The following ADARB1 variants were observed in gnomAD, a reference collection of about 807,000 sequenced individuals.
The protein encoded by ADARB1 is adenosine deaminase RNA specific B1, also known as double-stranded RNA-specific editase 1.
A neutral mutation model predicts 52.4 loss-of-function variants in ADARB1; 10 were observed. That is an observed-to-expected ratio of 0.19 (90% CI 0.12 to 0.32). ADARB1 has a LOEUF of 0.32. Among genes scored for constraint, ADARB1 ranks in the 10% least tolerant of loss-of-function variants. The pLI is 1.00. For synonymous variants in ADARB1, 349 were observed against 371.1 expected (o/e 0.94, Z 0.68); for missense variants, 643 against 922.3 (o/e 0.70, Z 3.92).
intron 2 of ADARB1, among the ~76,000 whole-genome samples, chr21:45,161,426 C>G (rs983802219): frequency 6.6e-6 from 1 of 152,212 alleles, no homozygotes. Flanking sequence ...AAGTTGTGGC[C>G]GAGCTGGGAC....
rs2146480645 is a variant in ADARB1, at chr21:45,223,717, A to G, written c.*1520A>G. ...ACCAGAGCAGGGGCAGAGGGGCGTCATCCTCCCACCGGACGCTGGGAGCTC... is the reference window on the plus strand; with the variant it reads ...ACCAGAGCAGGGGCAGAGGGGCGTCGTCCTCCCACCGGACGCTGGGAGCTC... On this transcript the variant is annotated 3_prime_UTR_variant, in exon 11 of 11. Coordinates refer to ENST00000348831, the MANE Select transcript of ADARB1 (RefSeq NM_001112.4). The G allele has an allele frequency of 2.0e-6, 2 of 985,486 alleles. No individual in the cohort carries two copies. Among genetic ancestry groups the G allele is most frequent in the Non-Finnish European group, 2.4e-6 (2 of 829,998 alleles). 61.0% of individuals were successfully genotyped at this position (985,486 alleles called of 1,614,324 possible).
chr21:45,146,729 G>A (rs970741531), intron 2 of ADARB1, among the ~76,000 whole-genome samples: 9 of 152,166 alleles, frequency 5.9e-5, no homozygotes, highest in African/African-American at 2.2e-4. Context: ...TGTTTTTATC[G>A]AACTTCTATA....
chr21:45,225,862 G>C lies in ADARB1; in HGVS notation c.*3665G>C. The C allele has an allele frequency of 3.1e-6, 1 of 319,388 alleles. No individual in the cohort carries two copies. The highest frequency in any genetic ancestry group is 5.7e-6 in the Non-Finnish European group (1 of 175,654). 19.8% of individuals were successfully genotyped at this position (319,388 alleles called of 1,614,324 possible). ...GTTCCGTGTGTGTCCAGTTTACAGC[G>C]TCTCTGCCCCCTAGCGTGTTTTGTG... On this transcript the variant is annotated 3_prime_UTR_variant, in exon 11 of 11. Transcript: ENST00000348831.
intron 8 of ADARB1, among the ~76,000 whole-genome samples, chr21:45,187,451 C>A (rs2092146858): frequency 6.6e-6 from 1 of 152,140 alleles, no homozygotes; most frequent in Non-Finnish European, 1.5e-5. Flanking sequence ...ATGTCATCTG[C>A]AAACAGATAT....
chr21:45,146,895 T>A (rs1342241749), intron 2 of ADARB1, among the ~76,000 whole-genome samples: 1 of 152,216 alleles, frequency 6.6e-6, no homozygotes, highest in African/African-American at 2.4e-5. Flanking sequence ...TGGGTAAAAA[T>A]TCTGGCTTCT....
chr21:45,211,357 G>A (rs1378662070), intron 9 of ADARB1, among the ~76,000 whole-genome samples: 4 of 152,192 alleles, frequency 2.6e-5, no homozygotes, highest in Non-Finnish European at 4.4e-5. Context: ...TGGGGGTGCT[G>A]TGCACAGTTT....
At chr21:45,144,756 T>C (rs2089923465) in intron 2 of ADARB1, 1 of 389,362 alleles carries the variant, frequency 2.6e-6, no homozygotes, top group Non-Finnish European at 5.2e-6. Context: ...AGAGAGCCAG[T>C]GCCCCACCAG....
intron 5 of ADARB1, among the ~76,000 whole-genome samples, chr21:45,181,084 C>T (rs1361448238): frequency 1.3e-5 from 2 of 152,224 alleles, no homozygotes; most frequent in African/African-American, 2.4e-5. Context: ...GAGAGGACCC[C>T]TGTCATGTGG....
chr21:45,092,365 C>T (rs950678896), intron 1 of ADARB1, among the ~76,000 whole-genome samples: 12 of 152,318 alleles, frequency 7.9e-5, no homozygotes, highest in African/African-American at 2.9e-4. Context: ...CTCATTCTCT[C>T]TACTGCATTA....
In ADARB1 at chr21:45,224,692, GC is replaced by G; in HGVS notation, c.*2496del. 1 of 978,484 alleles carries G rather than the reference GC, an allele frequency of 1.0e-6. No homozygotes were observed. The highest frequency in any genetic ancestry group is 1.2e-6 in the Non-Finnish European group (1 of 822,646). The allele number at this position is 978,484 out of a possible 1,614,324, so 60.6% of individuals were successfully genotyped here. On this transcript the variant is annotated 3_prime_UTR_variant, in exon 11 of 11. Transcript: ENST00000348831. ...GAGCCCTGGGCCGGGGCAGGGGGCG[GC>G]TGTAGGAAGGAACTGGTTTCGGGGA...
chr21:45,151,243 G>T (rs955417251), intron 2 of ADARB1, among the ~76,000 whole-genome samples: 2 of 152,228 alleles, frequency 1.3e-5, no homozygotes, highest in African/African-American at 4.8e-5. Context: ...CCAGATAGAT[G>T]CTGAGGCAAT....
rs34308307 is a variant in ADARB1 at position 45,200,815 on chromosome 21, A to G, written c.1566-3740A>G. The stretch of plus-strand genomic sequence containing the variant: ...TGCTGTGGAGGCTGTGGTTTGGGTC[A>G]GAGTAGTTCTCCTGCCCTGTGTGGT... On this transcript the variant is annotated intron_variant, in intron 8 of 10. Transcript: ENST00000348831. This position sits in a 1 kb window ranked among gnomAD's most constrained non-coding sequence, Gnocchi z 5.0. 0.028 allele frequency among the ~76,000 whole-genome samples: 4,274 copies of G among 152,292 alleles called. 91 individuals are homozygous for G. The highest frequency in any genetic ancestry group is 0.043 in the Non-Finnish European group (2,897 of 68,014).
At chr21:45,113,364 A>G (rs1399899165) in intron 1 of ADARB1, among the ~76,000 whole-genome samples, 4 of 152,152 alleles carry the variant, frequency 2.6e-5, no homozygotes, top group South Asian at 2.1e-4. Context: ...TGGAGGTTGC[A>G]GTGAGCTAAG....
At chr21:45,083,540 A>G (rs2123640096) in intron 1 of ADARB1, among the ~76,000 whole-genome samples, 1 of 152,344 alleles carries the variant, frequency 6.6e-6, no homozygotes, top group African/African-American at 2.4e-5. Flanking sequence ...TTTGGACAAG[A>G]TACAGTTGAA....
rs1008689246 is a variant in ADARB1 at position 45,151,592 on chromosome 21, A to G, written c.-47-20018A>G. 2.6e-5 allele frequency among the ~76,000 whole-genome samples: 4 copies of G among 152,114 alleles called. No homozygotes were observed. The East Asian group carries it at 5.8e-4, about 22-fold the overall frequency. On this transcript the variant is annotated intron_variant, in intron 2 of 10. Transcript: ENST00000348831. ...ACAGCCTAATCTTCAGGGCATTTGG[A>G]TGCAGCTGCCTTTTGTTCCAGAGAC...
chr21:45,144,255 C>T (rs1411026633), intron 2 of ADARB1, among the ~76,000 whole-genome samples: 2 of 152,062 alleles, frequency 1.3e-5, no homozygotes, highest in African/African-American at 4.8e-5. Flanking sequence ...TAGAAAAATG[C>T]TTTTAAGAGT....
Position 45,222,803 on chromosome 21 carries a change from C to T in ADARB1, c.*606C>T, listed in dbSNP as rs1429112066. On this transcript the variant is annotated 3_prime_UTR_variant, in exon 11 of 11. Transcript: ENST00000348831. ...TCCACACACTAGGTTGTAACAGTCTCTCCCTGAGGAGCAGACTCCCAGCAT... is the reference window on the plus strand; with the variant it reads ...TCCACACACTAGGTTGTAACAGTCTTTCCCTGAGGAGCAGACTCCCAGCAT... 1.0e-6 allele frequency: 1 copy of T among 985,558 alleles called. No individual in the cohort carries two copies. Among genetic ancestry groups the T allele is most frequent in the South Asian group, 4.7e-5 (1 of 21,290 alleles). The allele number at this position is 985,558 out of a possible 1,614,324, so 61.1% of individuals were successfully genotyped here. A position where few individuals can be genotyped will look rare whatever the true frequency, so the allele number is the denominator to read the frequency against.
chr21:45,090,757 C>T (rs2086532005), intron 1 of ADARB1, among the ~76,000 whole-genome samples: 1 of 152,238 alleles, frequency 6.6e-6, no homozygotes. Flanking sequence ...CACCTTTGTT[C>T]TCACTTGGGG....
At chr21:45,127,242 C>T (rs983030186) in intron 1 of ADARB1, among the ~76,000 whole-genome samples, 2 of 152,072 alleles carry the variant, frequency 1.3e-5, no homozygotes, top group Non-Finnish European at 1.5e-5. Context: ...TCCACCCAGG[C>T]GTGGTGATTG....
Sources: gnomAD v4.1 joint callset for allele counts (sites outside exome capture counted in the v4.1 genomes callset) on GRCh38, gnomAD v4.1.1 for gene constraint, Gnocchi (gnomAD v3.1) non-coding constraint, MANE v1.5 for transcripts, NCBI Gene and HGNC (gene_info 2026-07-23, HGNC 2026-07-21) for gene names.